The following PPP2R5B variants were observed in gnomAD, a reference collection of about 807,000 sequenced individuals.
PPP2R5B encodes protein phosphatase 2 regulatory subunit B'beta, also known as serine/threonine-protein phosphatase 2A 56 kDa regulatory subunit beta isoform.
A neutral mutation model predicts 59.9 loss-of-function variants in PPP2R5B; 19 were observed. The ratio of observed to expected loss-of-function variants is 0.32; its 90% CI spans 0.22 to 0.47. The LOEUF (loss-of-function observed/expected upper bound fraction) is 0.47. Ranked by LOEUF, PPP2R5B falls within the 20% of genes least tolerant of loss-of-function variation. PPP2R5B has a pLI of 1.00. For missense variants in PPP2R5B, 441 were observed against 640.2 expected (o/e 0.69, Z 3.36); for synonymous variants, 286 against 260.5 (o/e 1.10, Z -0.94).
intron 6 of PPP2R5B, 152 bp from the exon 7 acceptor site, chr11:64,930,170 T>A: frequency 1.2e-6 from 1 of 812,112 alleles, no homozygotes; most frequent in Non-Finnish European, 2.0e-6. Flanking sequence ...CAATGGGGCC[T>A]GGTTTGGGAT....
rs559244624 is a variant in PPP2R5B at position 64,931,970 on chromosome 11, C to T, written c.1116+102C>T. ...TTGCCCTCAGTTTCTCCTCCAATCC[C>T]GGGTCTGGTAATGGGGAGATGCTGG... On this transcript the variant is annotated intron_variant, in intron 11 of 13. Transcript: ENST00000164133. This position sits in a 1 kb window ranked among gnomAD's most constrained non-coding sequence, Gnocchi z 5.0. 210 of 1,517,568 alleles carry T rather than the reference C, an allele frequency of 1.4e-4. 1 individual carries two copies. Among genetic ancestry groups the T allele is most frequent in the Admixed American group, 2.4e-4 (12 of 49,236 alleles). 94.0% of individuals were successfully genotyped at this position (1,517,568 alleles called of 1,614,324 possible). A position where few individuals can be genotyped will look rare whatever the true frequency, so the allele number is the denominator to read the frequency against.
chr11:64,929,428 TTA>T (rs1945205221), intron 6 of PPP2R5B, among the ~76,000 whole-genome samples: 6 of 152,130 alleles, frequency 3.9e-5, no homozygotes, highest in Admixed American at 3.9e-4. Context: ...TTGCTCGTCT[TTA>T]AAATGGGAAT....
At position 64,925,580 on chromosome 11, in the gene PPP2R5B, G is replaced by A; in HGVS notation, c.-155G>A. 1.7e-6 allele frequency: 1 copy of A among 589,200 alleles called. No homozygotes were observed. Among genetic ancestry groups the A allele is most frequent in the Non-Finnish European group, 3.0e-6 (1 of 330,460 alleles). The allele number at this position is 589,200 out of a possible 1,614,324, so 36.5% of individuals were successfully genotyped here. On this transcript the variant is annotated 5_prime_UTR_variant, in exon 2 of 14. Coordinates refer to ENST00000164133, the MANE Select transcript of PPP2R5B (RefSeq NM_006244.4). The surrounding 1 kb of genome is among the most constrained non-coding windows in gnomAD (Gnocchi z 4.6). ...GCCCCCCAGGACTGGGCAGTTGCAGGAGGCCCTGGGGGGGGGCCCAGGACT... is the reference window on the plus strand; with the variant it reads ...GCCCCCCAGGACTGGGCAGTTGCAGAAGGCCCTGGGGGGGGGCCCAGGACT...
At chr11:64,930,770 T>C (rs1028437060) in intron 8 of PPP2R5B, among the ~76,000 whole-genome samples, 181 bp downstream of exon 8, 1 of 152,250 alleles carries the variant, frequency 6.6e-6, no homozygotes, top group Non-Finnish European at 1.5e-5. Flanking sequence ...ATCAGCTCTG[T>C]GAAGCCAGGC....
upstream of PPP2R5B, among the ~76,000 whole-genome samples, chr11:64,921,431 A>ACCTAAT (rs1223139150): frequency 2.0e-5 from 3 of 152,078 alleles, no homozygotes; most frequent in African/African-American, 7.2e-5. Context: ...CATCCTTCCC[A>ACCTAAT]CCTTAGATTA....
chr11:64,920,633 A>T (rs368817672), upstream of PPP2R5B, among the ~76,000 whole-genome samples: 120 of 144,022 alleles, frequency 8.3e-4, no homozygotes, highest in Middle Eastern at 3.6e-3. Flanking sequence ...TCCAGCAGTT[A>T]TTTTTTTTTT....
rs1270056946 is a variant in PPP2R5B, at chr11:64,934,439, G to A, written c.*595G>A. 2.7e-5 allele frequency: 11 copies of A among 401,964 alleles called. No individual in the cohort carries two copies. The highest frequency in any genetic ancestry group is 7.4e-5 in the South Asian group (3 of 40,700). The allele number at this position is 401,964 out of a possible 1,614,324, so 24.9% of individuals were successfully genotyped here. On this transcript the variant is annotated 3_prime_UTR_variant, in exon 14 of 14. Coordinates refer to ENST00000164133, the MANE Select transcript of PPP2R5B (RefSeq NM_006244.4). ...GTAATCATGGTCTACTCCTCTTTCCGTGGCTGGGGGTAGACTTAATAAAGA... is the reference window on the plus strand; with the variant it reads ...GTAATCATGGTCTACTCCTCTTTCCATGGCTGGGGGTAGACTTAATAAAGA...
chr11:64,925,549 C>G lies in PPP2R5B; in HGVS notation c.-186C>G, dbSNP rs1174419088. ...GGCCTGAGCCATCCTCCTTTCTACCCTGTCTGCCCCCCAGGACTGGGCAGT... is the reference window on the plus strand; with the variant it reads ...GGCCTGAGCCATCCTCCTTTCTACCGTGTCTGCCCCCCAGGACTGGGCAGT... On this transcript the variant is annotated 5_prime_UTR_variant, in exon 2 of 14. Coordinates refer to ENST00000164133, the MANE Select transcript of PPP2R5B (RefSeq NM_006244.4). The surrounding 1 kb of genome is among the most constrained non-coding windows in gnomAD (Gnocchi z 4.6). 5.2e-6 allele frequency: 3 copies of G among 574,194 alleles called. No homozygotes were observed. Among genetic ancestry groups the G allele is most frequent in the Non-Finnish European group, 9.3e-6 (3 of 322,416 alleles). The allele number at this position is 574,194 out of a possible 1,614,324, so 35.6% of individuals were successfully genotyped here. A position where few individuals can be genotyped will look rare whatever the true frequency, so the allele number is the denominator to read the frequency against.
At position 64,925,598 on chromosome 11, in the gene PPP2R5B, C is replaced by T; in HGVS notation, c.-137C>T. ...GTTGCAGGAGGCCCTGGGGGGGGGC[C>T]CAGGACTGTGGTTGTGCCCCCCCCC... is the stretch of plus-strand genomic sequence containing the variant. On this transcript the variant is annotated 5_prime_UTR_variant, in exon 2 of 14. Transcript: ENST00000164133. This position sits in a 1 kb window ranked among gnomAD's most constrained non-coding sequence, Gnocchi z 4.6. The T allele has an allele frequency of 1.7e-6, 1 of 577,188 alleles. No homozygotes were observed. The highest frequency in any genetic ancestry group is 3.1e-6 in the Non-Finnish European group (1 of 322,564). The allele number at this position is 577,188 out of a possible 1,614,324, so 35.8% of individuals were successfully genotyped here.
chr11:64,933,691 C>T lies in PPP2R5B; in HGVS notation c.1347-6C>T, dbSNP rs1395248735. ...GAAAGGGAGCTGCCTCACCCTCTCT[C>T]CCCAGGGAGCAGCAGAAGGCCCAGG... On this transcript the variant is annotated splice_polypyrimidine_tract_variant and splice_region_variant and intron_variant, in intron 13 of 13. Transcript: ENST00000164133. 2 of 1,550,656 alleles carry T rather than the reference C, an allele frequency of 1.3e-6. No individual in the cohort carries two copies. Among genetic ancestry groups the T allele is most frequent in the Non-Finnish European group, 1.7e-6 (2 of 1,146,566 alleles).
At chr11:64,926,064 C>T in intron 2 of PPP2R5B, 131 bp downstream of exon 2, 5 of 933,544 alleles carry the variant, frequency 5.4e-6, no homozygotes, top group Non-Finnish European at 7.9e-6. Flanking sequence ...AGGTTCTCCG[C>T]CATCAGAACT....
chr11:64,932,231 T>C (rs1424105413), intron 11 of PPP2R5B, among the ~76,000 whole-genome samples: 1 of 152,204 alleles, frequency 6.6e-6, no homozygotes, highest in Non-Finnish European at 1.5e-5. Flanking sequence ...TTTTCCCCTT[T>C]TGCTAGTGGC....
At chr11:64,930,653 C>A in intron 8 of PPP2R5B, 64 bp downstream of exon 8, 1 of 1,380,596 alleles carries the variant, frequency 7.2e-7, no homozygotes, top group South Asian at 1.2e-5. Context: ...CCAGTGGGTC[C>A]TGGAGGTCAG....
At position 64,931,456 on chromosome 11, in the gene PPP2R5B, G is replaced by A; in HGVS notation, c.912G>A (p.Gln304=). The change falls in exon 9 of 14, where the codon CAG becomes CAA. Residue 304 remains glutamine, a synonymous_variant. Transcript: ENST00000164133. The surrounding 1 kb of genome is among the most constrained non-coding windows in gnomAD (Gnocchi z 5.0). The stretch of plus-strand genomic sequence containing the variant: ...TGCAGCTGGCATACTGTGTGGTGCA[G>A]TTCCTGGAGAAGGATGCCACTCTGA... ...FHAQLAYCVV[Q]FLEKDATLTE... 6.2e-7 allele frequency: 1 copy of A among 1,614,146 alleles called. No homozygotes were observed. Among genetic ancestry groups the A allele is most frequent in the Non-Finnish European group, 8.5e-7 (1 of 1,180,008 alleles).
Position 64,928,088 on chromosome 11 carries a change from G to T in PPP2R5B, c.521G>T (p.Arg174Leu), listed in dbSNP as rs150933072. The T allele has an allele frequency of 1.2e-6, 2 of 1,614,162 alleles. No homozygotes were observed. The highest frequency in any genetic ancestry group is 4.5e-5 in the East Asian group (2 of 44,882). ...HLQLVYEFFL[R>L]FLESPDFQPS... ...CAGCTGGTATATGAGTTTTTCCTGC[G>T]TTTCTTGGAGAGCCCAGACTTCCAG... The change falls in exon 5 of 14, where the codon CGT (arginine) becomes CTT (leucine). Residue 174 changes from arginine to leucine, a missense_variant. Arg to Leu is a moderately radical substitution (Grantham distance 102, BLOSUM62 -2). Transcript: ENST00000164133.
At chr11:64,922,501 AC>A (rs531168802), upstream of PPP2R5B, among the ~76,000 whole-genome samples, 189 of 150,654 alleles carry the variant, frequency 1.3e-3, no homozygotes, top group African/African-American at 4.2e-3. Flanking sequence ...AAACAAACAA[AC>A]AAAAAATGTT....
chr11:64,922,079 G>A (rs1945114127), upstream of PPP2R5B, among the ~76,000 whole-genome samples: 1 of 152,044 alleles, frequency 6.6e-6, no homozygotes, highest in African/African-American at 2.4e-5. Context: ...GTGGTGGCAT[G>A]CGCCTGAGGT....
In PPP2R5B at chr11:64,931,354, C is replaced by T; in HGVS notation, c.892-82C>T. 3.4e-6 allele frequency: 5 copies of T among 1,467,440 alleles called. No homozygotes were observed. The highest frequency in any genetic ancestry group is 4.7e-6 in the Non-Finnish European group (5 of 1,057,130). The allele number at this position is 1,467,440 out of a possible 1,614,324, so 90.9% of individuals were successfully genotyped here. A position where few individuals can be genotyped will look rare whatever the true frequency, so the allele number is the denominator to read the frequency against. On this transcript the variant is annotated intron_variant, in intron 8 of 13. Transcript: ENST00000164133. The surrounding 1 kb of genome is among the most constrained non-coding windows in gnomAD (Gnocchi z 5.0). Reference sequence around the variant, plus strand: ...CAGGCCGTGGGTGAGCAGTATTTGGCATTCTGTCCTGGACAGCAAGTCCTT... The same window carrying T: ...CAGGCCGTGGGTGAGCAGTATTTGGTATTCTGTCCTGGACAGCAAGTCCTT...
At chr11:64,928,262 C>A in intron 5 of PPP2R5B, 33 bp from the exon 6 acceptor site, 1 of 1,612,754 alleles carries the variant, frequency 6.2e-7, no homozygotes, top group Non-Finnish European at 8.5e-7. Flanking sequence ...TTTCCCCTGA[C>A]CCTGACCCTG....
Sources: gnomAD v4.1 joint callset for allele counts (sites outside exome capture counted in the v4.1 genomes callset) on GRCh38, gnomAD v4.1.1 for gene constraint, Gnocchi (gnomAD v3.1) non-coding constraint, MANE v1.5 for transcripts, NCBI Gene and HGNC (gene_info 2026-07-23, HGNC 2026-07-21) for gene names.